The following IPO11 variants were observed in gnomAD, a reference collection of about 807,000 sequenced individuals.
The protein encoded by IPO11 is importin-11.
A neutral mutation model predicts 143.2 loss-of-function variants in IPO11; 66 were observed. The ratio of observed to expected loss-of-function variants is 0.46; its 90% CI spans 0.38 to 0.57. The LOEUF (loss-of-function observed/expected upper bound fraction) is 0.57. IPO11 is among the 20% of genes least tolerant of loss of function. The pLI is 0.00. For synonymous variants in IPO11, 385 were observed against 377.8 expected, an observed-to-expected ratio of 1.02 and a Z score of -0.22; for missense variants, 1,026 against 1,141.0, an observed-to-expected ratio of 0.90 and a Z score of 1.45.
chr5:62,591,524 A>G (rs913580194), intron 27 of IPO11, 53 bp from the exon 28 acceptor site: 10 of 1,057,478 alleles, frequency 9.5e-6, no homozygotes, highest in Non-Finnish European at 1.4e-5. Flanking sequence ...AAAAAAACAA[A>G]AAGAATTAAT....
At chr5:62,463,864 C>T (rs1053026852) in intron 5 of IPO11, among the ~76,000 whole-genome samples, 4 of 150,802 alleles carry the variant, frequency 2.7e-5, no homozygotes, top group South Asian at 2.1e-4. Flanking sequence ...CGCTCTGTTA[C>T]GCAGGCTGGA....
intron 26 of IPO11, among the ~76,000 whole-genome samples, chr5:62,553,323 A>AGTGT (rs3077458): frequency 0.023 from 2,735 of 119,170 alleles, 37 homozygotes; most frequent in African/African-American, 0.058. Context: ...TATTCGTGTG[A>AGTGT]GTGTGTGTGT....
intron 2 of IPO11, among the ~76,000 whole-genome samples, chr5:62,440,919 C>T (rs1261169619): frequency 6.6e-5 from 10 of 151,540 alleles, no homozygotes; most frequent in Non-Finnish European, 1.0e-4. Flanking sequence ...GCCAAGATCG[C>T]GCCACTGCAC....
intron 1 of IPO11, chr5:62,418,909 G>C: frequency 7.3e-7 from 1 of 1,360,608 alleles, no homozygotes; most frequent in Non-Finnish European, 9.9e-7. Context: ...AAACTGCTGG[G>C]TCATAGAAGA....
At position 62,627,172 on chromosome 5, in the gene IPO11, G is replaced by C; in HGVS notation, c.2782G>C (p.Val928Leu). The stretch of plus-strand genomic sequence containing the variant: ...CCCACAGCTGGCCCTGAAGGACCCT[G>C]TTCATACAGTGTCACTGCAGCAGTT... ...RKKMLALKDP[V>L]HTVSLQQFIY... Residue 928 changes from valine (V) to leucine (L), a missense_variant, in exon 30 of 30, where the codon GTT becomes CTT. Coordinates refer to ENST00000325324, the MANE Select transcript of IPO11 (RefSeq NM_016338.5). The C allele has an allele frequency of 6.2e-7, 1 of 1,613,928 alleles. No individual in the cohort carries two copies. Among genetic ancestry groups the C allele is most frequent in the Non-Finnish European group, 8.5e-7 (1 of 1,179,864 alleles).
intron 27 of IPO11, among the ~76,000 whole-genome samples, chr5:62,569,016 G>A (rs1329222548): frequency 6.6e-6 from 1 of 152,166 alleles, no homozygotes; most frequent in Non-Finnish European, 1.5e-5. Context: ...AGGGACTTGA[G>A]AATTCCTAGG....
chr5:62,452,662 C>CGT (rs138539006), intron 5 of IPO11, among the ~76,000 whole-genome samples: 75,524 of 140,022 alleles, frequency 0.54, 20,791 homozygotes, highest in South Asian at 0.67. Flanking sequence ...GTTTTGGGTT[C>CGT]GTGTGTGTGT....
intron 2 of IPO11, among the ~76,000 whole-genome samples, chr5:62,441,257 G>A (rs991574122): frequency 2.0e-5 from 3 of 152,040 alleles, no homozygotes; most frequent in African/African-American, 7.2e-5. Context: ...GAGTGCAATG[G>A]TGCGATCTCA....
Position 62,484,090 on chromosome 5 carries a change from A to C in IPO11, c.1102A>C (p.Arg368=), listed in dbSNP as rs768951088. The C allele has an allele frequency of 2.4e-5, 39 of 1,611,072 alleles. No homozygotes were observed. Among genetic ancestry groups the C allele is most frequent in the Non-Finnish European group, 3.1e-5 (37 of 1,178,334 alleles). The part of the protein sequence containing the change: ...TYPTLTEICR[R]LVSHYFLLTE... ...TCCTACTTTGACAGAGATATGTAGA[A>C]GATTAGTCTCTCATTATTTCCTATT... The change falls in exon 11 of 30, where the codon AGA becomes CGA. Residue 368 remains arginine (R), a synonymous_variant. Transcript: ENST00000325324.
intron 19 of IPO11, among the ~76,000 whole-genome samples, chr5:62,511,301 T>C (rs570724653): frequency 6.6e-6 from 1 of 152,292 alleles, no homozygotes; most frequent in East Asian, 1.9e-4. Context: ...TTTAGTTGAG[T>C]ATGAATGAGT....
At position 62,461,969 on chromosome 5, in the gene IPO11, G is replaced by A. The variant is rs552890789; in HGVS notation, c.517-5162G>A. 2.6e-5 allele frequency among the ~76,000 whole-genome samples: 4 copies of A among 152,182 alleles called. No homozygotes were observed. The South Asian group carries it at 6.2e-4, about 24-fold the overall frequency. On this transcript the variant is annotated intron_variant, in intron 5 of 29. Transcript: ENST00000325324. Reference sequence around the variant, plus strand: ...TTAAGGATTTTGAAGCAAATACTTCGGGTTTTCAGATTTGAGATATTTTAG... The same window carrying A: ...TTAAGGATTTTGAAGCAAATACTTCAGGTTTTCAGATTTGAGATATTTTAG...
chr5:62,424,737 C>T (rs1179245741), intron 1 of IPO11, among the ~76,000 whole-genome samples: 3 of 152,048 alleles, frequency 2.0e-5, no homozygotes, highest in African/African-American at 7.2e-5. Flanking sequence ...CCACCACACC[C>T]AATCTGAATA....
intron 19 of IPO11, among the ~76,000 whole-genome samples, chr5:62,510,135 G>A (rs1741694256): frequency 6.6e-6 from 1 of 151,862 alleles, no homozygotes; most frequent in South Asian, 2.1e-4. Flanking sequence ...TTTTTGACTT[G>A]CATTTCCCTA....
chr5:62,457,580 A>G (rs909598067), intron 5 of IPO11, among the ~76,000 whole-genome samples: 2 of 152,214 alleles, frequency 1.3e-5, no homozygotes, highest in Non-Finnish European at 2.9e-5. Flanking sequence ...ACAATACTTC[A>G]GAAGGTCATC....
At chr5:62,430,046 T>A (rs1486355212) in intron 1 of IPO11, among the ~76,000 whole-genome samples, 1 of 152,130 alleles carries the variant, frequency 6.6e-6, no homozygotes, top group African/African-American at 2.4e-5. Flanking sequence ...CGTGAGCTGC[T>A]GCACCTGGCT....
intron 1 of IPO11, among the ~76,000 whole-genome samples, chr5:62,424,386 G>T (rs566375894): frequency 3.3e-5 from 5 of 151,964 alleles, no homozygotes; most frequent in South Asian, 2.1e-4. Flanking sequence ...TGATCCGCCC[G>T]CCGGGGCCTC....
rs145134764 is a variant in IPO11 at position 62,463,531 on chromosome 5, T to C, written c.517-3600T>C. ...ATAAAAATAAATATATAAATTAACC[T>C]GGTGTGGTGCATCCCTGTAGTCCCA... On this transcript the variant is annotated intron_variant, in intron 5 of 29. Coordinates refer to ENST00000325324, the MANE Select transcript of IPO11 (RefSeq NM_016338.5). Among the ~76,000 whole-genome samples the C allele has an allele frequency of 5.6e-3, 843 of 151,698 alleles. 3 individuals are homozygous for C. Among genetic ancestry groups the C allele is most frequent in the South Asian group, 0.01 (48 of 4,796 alleles).
chr5:62,621,593 C>G (rs1244574569), intron 29 of IPO11, among the ~76,000 whole-genome samples: 2 of 152,092 alleles, frequency 1.3e-5, no homozygotes, highest in African/African-American at 4.8e-5. Context: ...GGGAGTGGGG[C>G]CTTGGCTGCC....
intron 16 of IPO11, among the ~76,000 whole-genome samples, chr5:62,504,069 A>G (rs1040711286): frequency 2.0e-5 from 3 of 152,202 alleles, no homozygotes; most frequent in African/African-American, 7.2e-5. Flanking sequence ...GAATGAGATT[A>G]TGTTGTAATA....
Sources: gnomAD v4.1 joint callset for allele counts (sites outside exome capture counted in the v4.1 genomes callset) on GRCh38, gnomAD v4.1.1 for gene constraint, MANE v1.5 for transcripts, NCBI Gene and HGNC (gene_info 2026-07-23, HGNC 2026-07-21) for gene names.